PRKCB: variants seen among roughly 807,000 people sequenced by gnomAD.
PRKCB encodes protein kinase C beta.
Under a neutral mutation model 81.5 loss-of-function variants are expected in PRKCB, and 13 were observed. That is an observed-to-expected ratio of 0.16 (90% CI 0.10 to 0.25). The LOEUF is 0.25. Among genes scored for constraint, PRKCB ranks in the 10% least tolerant of loss-of-function variants. The pLI is 1.00. For synonymous variants in PRKCB, 335 were observed against 321.4 expected (o/e 1.04, Z -0.45); for missense variants, 509 against 875.7 (o/e 0.58, Z 5.29).
At chr16:24,132,315 A>G (rs1254831629) in intron 9 of PRKCB, among the ~76,000 whole-genome samples, 5 of 152,320 alleles carry the variant, frequency 3.3e-5, no homozygotes, top group South Asian at 2.1e-4. Flanking sequence ...TGGAAATAAG[A>G]TTGGAATCCA....
intron 5 of PRKCB, among the ~76,000 whole-genome samples, chr16:24,072,648 C>A (rs908925710): frequency 2.0e-5 from 3 of 151,370 alleles, no homozygotes; most frequent in African/African-American, 7.3e-5. Flanking sequence ...ATGGCATGAT[C>A]TCTGCTCACT....
chr16:23,986,039 T>A (rs767637177), intron 2 of PRKCB, among the ~76,000 whole-genome samples: 1 of 152,158 alleles, frequency 6.6e-6, no homozygotes, highest in Non-Finnish European at 1.5e-5. Flanking sequence ...TGGATTCCCA[T>A]TTCACATCAG....
Position 24,217,924 on chromosome 16 carries a change from T to C in PRKCB, c.*3108T>C. ...TGGCCCATTTGGGAGACCTTTAGGA[T>C]CAATGGGAATCAATTCCATTGTTTT... On this transcript the variant is annotated 3_prime_UTR_variant, in exon 17 of 17. Coordinates refer to ENST00000643927, the MANE Select transcript of PRKCB (RefSeq NM_002738.7). 1.0e-6 allele frequency: 1 copy of C among 985,386 alleles called. No homozygotes were observed. Among genetic ancestry groups the C allele is most frequent in the Non-Finnish European group, 1.2e-6 (1 of 829,936 alleles). The allele number at this position is 985,386 out of a possible 1,614,324, so 61.0% of individuals were successfully genotyped here.
intron 3 of PRKCB, among the ~76,000 whole-genome samples, chr16:23,997,810 A>C (rs1964980460): frequency 6.6e-6 from 1 of 152,218 alleles, no homozygotes; most frequent in Non-Finnish European, 1.5e-5. Context: ...GTATCACATC[A>C]GGTGGAATTA....
At chr16:24,032,848 T>C (rs199637349) in intron 4 of PRKCB, among the ~76,000 whole-genome samples, 1 of 152,334 alleles carries the variant, frequency 6.6e-6, no homozygotes, top group South Asian at 2.1e-4. Flanking sequence ...TCCATGGCTG[T>C]TGACACCCAG....
intron 13 of PRKCB, among the ~76,000 whole-genome samples, chr16:24,181,933 G>C (rs1023740241): frequency 2.0e-5 from 3 of 152,078 alleles, no homozygotes; most frequent in Non-Finnish European, 4.4e-5. Flanking sequence ...TTACCTCTGA[G>C]GATAAGGGAA....
At chr16:24,139,975 C>T (rs1378401341) in intron 9 of PRKCB, among the ~76,000 whole-genome samples, 4 of 152,178 alleles carry the variant, frequency 2.6e-5, no homozygotes, top group Non-Finnish European at 5.9e-5. Flanking sequence ...TCCTGAGGTA[C>T]GTCTTCACTT....
intron 2 of PRKCB, among the ~76,000 whole-genome samples, chr16:23,908,819 G>T (rs1963607906): frequency 6.6e-6 from 1 of 152,110 alleles, no homozygotes; most frequent in Non-Finnish European, 1.5e-5. Context: ...CGCCCAGCCT[G>T]GGCTTTCCCT....
At chr16:24,160,129 C>T (rs1038019707) in intron 10 of PRKCB, among the ~76,000 whole-genome samples, 8 of 151,546 alleles carry the variant, frequency 5.3e-5, no homozygotes, top group Admixed American at 1.3e-4. Context: ...GGCTCAAGTT[C>T]CACAATCAGT....
chr16:23,978,938 C>A (rs1177121163), intron 2 of PRKCB, among the ~76,000 whole-genome samples: 1 of 152,162 alleles, frequency 6.6e-6, no homozygotes, highest in Non-Finnish European at 1.5e-5. Flanking sequence ...CTGGGCGCTG[C>A]AGATTTAGGC....
Position 24,152,210 on chromosome 16 carries a change from C to T in PRKCB, c.1066-2474C>T, listed in dbSNP as rs185269564. On this transcript the variant is annotated intron_variant, in intron 9 of 16. Coordinates refer to ENST00000643927, the MANE Select transcript of PRKCB (RefSeq NM_002738.7). Reference sequence around the variant, plus strand: ...TCATGGTGGAAGGCTAAAGTCACGTCTTACATGGTAGCAGTCAAGAGAGAA... The same window carrying T: ...TCATGGTGGAAGGCTAAAGTCACGTTTTACATGGTAGCAGTCAAGAGAGAA... Among the ~76,000 whole-genome samples, 315 of 152,204 alleles carry T rather than the reference C, an allele frequency of 2.1e-3. 1 individual carries two copies. The highest frequency in any genetic ancestry group is 7.3e-3 in the African/African-American group (304 of 41,526).
At position 24,035,502 on chromosome 16, in the gene PRKCB, A is replaced by T; in HGVS notation, c.484A>T (p.Ile162Phe). The change falls in exon 5 of 17, where the codon ATC becomes TTC. Residue 162 changes from isoleucine (I) to phenylalanine (F), a missense_variant. This residue lies in a region of PRKCB where 184 missense variants were observed against 362.9 expected (regional missense o/e 0.51). Transcript: ENST00000643927. The stretch of plus-strand genomic sequence containing the variant: ...GGACCACACGGAGCGCCGCGGCCGC[A>T]TCTACATCCAGGCCCACATCGACAG... ...GTDHTERRGRIYIQAHIDRDV... is the reference protein window; with the variant it reads ...GTDHTERRGRFYIQAHIDRDV... 6.2e-7 allele frequency: 1 copy of T among 1,614,134 alleles called. No individual in the cohort carries two copies. Among genetic ancestry groups the T allele is most frequent in the Non-Finnish European group, 8.5e-7 (1 of 1,180,014 alleles).
chr16:23,995,698 G>A (rs1964946771), intron 3 of PRKCB, among the ~76,000 whole-genome samples: 1 of 152,164 alleles, frequency 6.6e-6, no homozygotes, highest in South Asian at 2.1e-4. Context: ...GCCTGGGCAG[G>A]CTCTAAAGGC....
chr16:24,190,921 G>A (rs1352506723), intron 15 of PRKCB, among the ~76,000 whole-genome samples, 169 bp from the exon 16 acceptor site: 1 of 152,098 alleles, frequency 6.6e-6, no homozygotes, highest in Non-Finnish European at 1.5e-5. Context: ...GTCCTCTCCT[G>A]CAAATTCCTG....
chr16:24,076,271 C>A (rs962550538), intron 5 of PRKCB, among the ~76,000 whole-genome samples: 17 of 152,296 alleles, frequency 1.1e-4, no homozygotes, highest in Non-Finnish European at 2.4e-4. Flanking sequence ...GACTCAGCCT[C>A]TTTCCAGGAT....
intron 5 of PRKCB, among the ~76,000 whole-genome samples, chr16:24,084,581 AT>A (rs1337610263): frequency 1.3e-5 from 2 of 152,122 alleles, no homozygotes; most frequent in Non-Finnish European, 2.9e-5. Context: ...AAAGAATTAC[AT>A]TTTTTCCCTA....
chr16:24,020,985 T>TTTCC (rs1491119962), intron 3 of PRKCB, among the ~76,000 whole-genome samples: 87 of 111,668 alleles, frequency 7.8e-4, no homozygotes, highest in African/African-American at 3.0e-3. Flanking sequence ...TTTTTCTTTC[T>TTTCC]TTCTTTCTTT....
chr16:23,952,968 C>T (rs1964302472), intron 2 of PRKCB, among the ~76,000 whole-genome samples: 3 of 152,162 alleles, frequency 2.0e-5, no homozygotes, highest in African/African-American at 2.4e-5. Flanking sequence ...GGCTGAAACA[C>T]TTGGTCCCCA....
chr16:23,998,234 C>G (rs1294975188), intron 3 of PRKCB, among the ~76,000 whole-genome samples: 2 of 152,186 alleles, frequency 1.3e-5, no homozygotes, highest in African/African-American at 4.8e-5. Flanking sequence ...CTATGGTTCT[C>G]AGGTCTTTGG....
Sources: allele counts gnomAD v4.1 joint callset (sites outside exome capture counted in the v4.1 genomes callset), GRCh38; gene constraint gnomAD v4.1.1; regional missense constraint gnomAD v4.1.1; transcripts MANE v1.5; gene names NCBI Gene and HGNC (gene_info 2026-07-23, HGNC 2026-07-21).